The following CTNNA2 variants were observed in gnomAD, a reference collection of about 807,000 sequenced individuals.
The protein encoded by CTNNA2 is catenin alpha 2.
In CTNNA2, 42 loss-of-function variants were observed where a neutral mutation model predicts 101.0. That is an observed-to-expected ratio of 0.42 (90% CI 0.32 to 0.54). The LOEUF (loss-of-function observed/expected upper bound fraction) is 0.54. Ranked by LOEUF, CTNNA2 falls within the 20% of genes least tolerant of loss-of-function variation. The pLI, the probability that CTNNA2 is intolerant of heterozygous loss-of-function variation, is 0.14. For synonymous variants in CTNNA2, 450 were observed against 456.4 expected, an observed-to-expected ratio of 0.99 and a Z score of 0.18; for missense variants, 871 against 1,223.1, an observed-to-expected ratio of 0.71 and a Z score of 4.29.
intron 7 of CTNNA2, among the ~76,000 whole-genome samples, chr2:80,239,170 C>T (rs1298895449): frequency 6.6e-6 from 1 of 152,128 alleles, no homozygotes; most frequent in Non-Finnish European, 1.5e-5. Context: ...ATTTTTAAGA[C>T]GTCTGTTCTA....
At chr2:79,768,236 T>G (rs957879503) in intron 3 of CTNNA2, among the ~76,000 whole-genome samples, 1 of 151,586 alleles carries the variant, frequency 6.6e-6, no homozygotes, top group Non-Finnish European at 1.5e-5. Context: ...GTGCCAGAGG[T>G]GCTCTTTGCA....
At chr2:79,428,413 A>G (rs1293483618) in intron 4 of CTNNA2, among the ~76,000 whole-genome samples, 1 of 152,092 alleles carries the variant, frequency 6.6e-6, no homozygotes, top group Non-Finnish European at 1.5e-5. Flanking sequence ...GACGAGAATA[A>G]GCAGAAAGTA....
chr2:80,564,954 T>C (rs1693924076), intron 12 of CTNNA2, among the ~76,000 whole-genome samples: 1 of 152,198 alleles, frequency 6.6e-6, no homozygotes, highest in Non-Finnish European at 1.5e-5. Flanking sequence ...AGAAAGTATG[T>C]AAGGTTTATT....
intron 9 of CTNNA2, among the ~76,000 whole-genome samples, chr2:80,471,185 T>C (rs1685275121): frequency 6.6e-6 from 1 of 152,200 alleles, no homozygotes; most frequent in Admixed American, 6.5e-5. Flanking sequence ...TCAGAAATCT[T>C]TGGAAGAACG....
intron 3 of CTNNA2, among the ~76,000 whole-genome samples, chr2:79,363,614 T>A (rs1433034183): frequency 1.3e-5 from 2 of 152,094 alleles, no homozygotes; most frequent in Non-Finnish European, 2.9e-5. Flanking sequence ...CCCTCTTATA[T>A]TGTATATAAT....
chr2:80,477,417 T>C (rs1360687363), intron 9 of CTNNA2, among the ~76,000 whole-genome samples: 1 of 152,144 alleles, frequency 6.6e-6, no homozygotes, highest in Admixed American at 6.6e-5. Context: ...TAAGGATGAA[T>C]TATGTAGCGG....
intron 3 of CTNNA2, among the ~76,000 whole-genome samples, chr2:79,330,680 G>T (rs1453427870): frequency 1.3e-5 from 2 of 152,168 alleles, no homozygotes; most frequent in African/African-American, 4.8e-5. Flanking sequence ...CTGTTCGCAT[G>T]ATAGTGAATA....
intron 7 of CTNNA2, among the ~76,000 whole-genome samples, chr2:80,153,524 G>T (rs535878335): frequency 6.6e-6 from 1 of 152,142 alleles, no homozygotes; most frequent in Non-Finnish European, 1.5e-5. Flanking sequence ...GCTTTTCCTG[G>T]AAATAATAAC....
chr2:79,698,415 T>C (rs1684782580), intron 2 of CTNNA2, among the ~76,000 whole-genome samples: 1 of 152,042 alleles, frequency 6.6e-6, no homozygotes, highest in African/African-American at 2.4e-5. Context: ...TCACTGTATG[T>C]GACCACTTGA....
chr2:80,071,317 T>G (rs1175255591), intron 7 of CTNNA2, among the ~76,000 whole-genome samples: 1 of 152,344 alleles, frequency 6.6e-6, no homozygotes, highest in South Asian at 2.1e-4. Flanking sequence ...TGCTGAAATA[T>G]ACCTCCTCCC....
At chr2:80,023,894 T>C (rs1263706139) in intron 7 of CTNNA2, among the ~76,000 whole-genome samples, 1 of 151,478 alleles carries the variant, frequency 6.6e-6, no homozygotes, top group Non-Finnish European at 1.5e-5. Flanking sequence ...GAGACCATCC[T>C]GGCTAACACG....
At chr2:80,191,132 T>C (rs1320661756) in intron 7 of CTNNA2, among the ~76,000 whole-genome samples, 1 of 152,228 alleles carries the variant, frequency 6.6e-6, no homozygotes, top group Non-Finnish European at 1.5e-5. Flanking sequence ...CTGGACTACT[T>C]TGCCAGGAGA....
chr2:79,609,580 G>T (rs574327464), intron 1 of CTNNA2, among the ~76,000 whole-genome samples: 46 of 152,150 alleles, frequency 3.0e-4, no homozygotes, highest in African/African-American at 1.1e-3. Flanking sequence ...TGCCAATGTG[G>T]TGTTGACATC....
chr2:79,811,008 A>C (rs1475182457), intron 3 of CTNNA2, among the ~76,000 whole-genome samples: 3 of 151,220 alleles, frequency 2.0e-5, no homozygotes, highest in Non-Finnish European at 4.4e-5. Context: ...GTGTCTTTAT[A>C]GCAGCATGAT....
chr2:80,571,472 A>G (rs1694589331), intron 12 of CTNNA2, among the ~76,000 whole-genome samples: 1 of 152,236 alleles, frequency 6.6e-6, no homozygotes, highest in Non-Finnish European at 1.5e-5. Flanking sequence ...AAGAACAAAG[A>G]CTAATAAAAC....
chr2:79,789,971 G>A (rs563914634), intron 3 of CTNNA2, among the ~76,000 whole-genome samples: 94 of 152,204 alleles, frequency 6.2e-4, no homozygotes, highest in African/African-American at 2.2e-3. Context: ...TAATCTTCTG[G>A]GAGAGAGTCA....
chr2:80,428,266 A>T (rs1394634165), intron 9 of CTNNA2, among the ~76,000 whole-genome samples: 1 of 152,226 alleles, frequency 6.6e-6, no homozygotes, highest in Non-Finnish European at 1.5e-5. Context: ...TATTGAGTTC[A>T]TTGGAAGGTT....
chr2:79,443,903 ACTCTCTCTCTCT>A lies in CTNNA2; in HGVS notation c.-134-61124_-134-61113del, dbSNP rs3979544. On this transcript the variant is annotated intron_variant, in intron 4 of 21. Transcript: ENST00000466387. ...AAGCTTTTATCTTATTTGTATACAT[ACTCTCTCTCTCT>A]CTCTCTCTCTCTCTCTCTCTCTCTC... Among the ~76,000 whole-genome samples, 88 of 141,910 alleles carry A rather than the reference ACTCTCTCTCTCT, an allele frequency of 6.2e-4. No individual in the cohort carries two copies. In the South Asian group the frequency reaches 8.0e-3, roughly 13 times the overall value. 93.1% of individuals were successfully genotyped at this position (141,910 alleles called of 152,430 possible). A position where few individuals can be genotyped will look rare whatever the true frequency, so the allele number is the denominator to read the frequency against.
chr2:79,687,629 C>G, intron 2 of CTNNA2: 2 of 679,858 alleles, frequency 2.9e-6, no homozygotes, highest in Non-Finnish European at 5.4e-6. Context: ...TGACTGTCAT[C>G]TTGAAAAAGG....
Sources: allele counts gnomAD v4.1 joint callset (sites outside exome capture counted in the v4.1 genomes callset), GRCh38; gene constraint gnomAD v4.1.1; transcripts MANE v1.5; gene names NCBI Gene and HGNC (gene_info 2026-07-23, HGNC 2026-07-21).